LOXHD1: variants seen among roughly 807,000 people sequenced by gnomAD.
LOXHD1 encodes lipoxygenase homology PLAT domains 1.
LOXHD1 carries 205 observed loss-of-function variants against 248.2 expected under a neutral mutation model. The ratio of observed to expected loss-of-function variants is 0.83; its 90% CI spans 0.74 to 0.93. The LOEUF (loss-of-function observed/expected upper bound fraction) is 0.93, where lower values mean the gene tolerates loss of function less well. Ranked by LOEUF, LOXHD1 falls within the 40% of genes least tolerant of loss-of-function variation. LOXHD1 has a pLI of 0.00. For synonymous variants in LOXHD1, 1,113 were observed against 1,162.8 expected, an observed-to-expected ratio of 0.96 and a Z score of 0.87; for missense variants, 2,930 against 2,971.6, an observed-to-expected ratio of 0.99 and a Z score of 0.33.
At chr18:46,642,404 G>GA (rs1294918203) in intron 2 of LOXHD1, among the ~76,000 whole-genome samples, 1 of 152,186 alleles carries the variant, frequency 6.6e-6, no homozygotes, top group Non-Finnish European at 1.5e-5. Context: ...GTGGATGGAG[G>GA]AGGAAGGAAG....
chr18:46,582,539 A>G (rs1351056366), intron 12 of LOXHD1, among the ~76,000 whole-genome samples: 1 of 152,244 alleles, frequency 6.6e-6, no homozygotes, highest in African/African-American at 2.4e-5. Flanking sequence ...AACAAAAAAG[A>G]TATGACATAC....
chr18:46,532,770 C>A (rs938804833), intron 28 of LOXHD1, among the ~76,000 whole-genome samples: 1 of 152,192 alleles, frequency 6.6e-6, no homozygotes, highest in African/African-American at 2.4e-5. Flanking sequence ...TAAGTTGGGA[C>A]AGCTAAGTCC....
chr18:46,532,481 T>C (rs2036116369), intron 28 of LOXHD1, among the ~76,000 whole-genome samples: 1 of 152,132 alleles, frequency 6.6e-6, no homozygotes, highest in South Asian at 2.1e-4. Flanking sequence ...GAATACTATC[T>C]AGCATGAGAA....
chr18:46,573,642 T>G (rs566970061), intron 14 of LOXHD1, among the ~76,000 whole-genome samples: 2 of 151,542 alleles, frequency 1.3e-5, no homozygotes, highest in Non-Finnish European at 2.9e-5. Context: ...AGTTCAGGCA[T>G]CCCCAAACTG....
intron 37 of LOXHD1, among the ~76,000 whole-genome samples, chr18:46,491,262 T>C (rs891952370): frequency 3.9e-5 from 6 of 152,220 alleles, no homozygotes; most frequent in Admixed American, 3.3e-4. Context: ...CTAGGCATCA[T>C]TAGTCATTAA....
intron 40 of LOXHD1, among the ~76,000 whole-genome samples, chr18:46,480,308 G>T (rs1447526176): frequency 6.6e-6 from 1 of 151,968 alleles, no homozygotes; most frequent in Non-Finnish European, 1.5e-5. Flanking sequence ...GGTGTAGCCT[G>T]CCAAATTTCC....
At chr18:46,501,832 C>T (rs114398425) in intron 37 of LOXHD1, among the ~76,000 whole-genome samples, 13 of 152,158 alleles carry the variant, frequency 8.5e-5, no homozygotes, top group African/African-American at 2.9e-4. Context: ...GTTAGGCCTG[C>T]AAAGGACCTG....
At chr18:46,531,627 C>T (rs995300973) in intron 28 of LOXHD1, among the ~76,000 whole-genome samples, 1 of 152,242 alleles carries the variant, frequency 6.6e-6, no homozygotes, top group Non-Finnish European at 1.5e-5. Flanking sequence ...GATTCAGCTT[C>T]TGAATGCTGA....
At chr18:46,627,607 T>C (rs2038760643) in intron 4 of LOXHD1, among the ~76,000 whole-genome samples, 1 of 152,182 alleles carries the variant, frequency 6.6e-6, no homozygotes, top group Non-Finnish European at 1.5e-5. Flanking sequence ...CTCCAAACAT[T>C]CTGGCTGCTG....
chr18:46,604,032 C>A, intron 7 of LOXHD1, 74 bp downstream of exon 7: 2 of 1,535,648 alleles, frequency 1.3e-6, no homozygotes, highest in South Asian at 2.4e-5. Flanking sequence ...GGCCTCCAGC[C>A]CCACAGATGC....
At chr18:46,640,966 A>T (rs2038955474) in intron 3 of LOXHD1, among the ~76,000 whole-genome samples, 1 of 152,068 alleles carries the variant, frequency 6.6e-6, no homozygotes, top group South Asian at 2.1e-4. Flanking sequence ...GACAGATGAA[A>T]CCCATGATAC....
chr18:46,630,379 T>C (rs946902573), intron 4 of LOXHD1, among the ~76,000 whole-genome samples: 1 of 152,224 alleles, frequency 6.6e-6, no homozygotes, highest in Admixed American at 6.5e-5. Flanking sequence ...GGGTAGGCAC[T>C]GGGCTGTGGG....
At chr18:46,547,323 AT>A (rs2036892978) in intron 21 of LOXHD1, among the ~76,000 whole-genome samples, 2 of 152,178 alleles carry the variant, frequency 1.3e-5, no homozygotes, top group Admixed American at 1.3e-4. Flanking sequence ...CAGAGCCTCA[AT>A]CAGGGTCATA....
intron 1 of LOXHD1, among the ~76,000 whole-genome samples, chr18:46,650,554 G>A (rs1380929622): frequency 6.6e-6 from 1 of 152,160 alleles, no homozygotes; most frequent in African/African-American, 2.4e-5. Context: ...TCTTTTCAGA[G>A]CAGATCCCCA....
intron 4 of LOXHD1, among the ~76,000 whole-genome samples, chr18:46,633,862 G>C (rs2038859196): frequency 6.6e-6 from 1 of 152,206 alleles, no homozygotes; most frequent in Non-Finnish European, 1.5e-5. Context: ...ATAAGCACAT[G>C]AAGAGATTCT....
chr18:46,656,174 G>A (rs1007474946), intron 1 of LOXHD1, among the ~76,000 whole-genome samples: 2 of 152,176 alleles, frequency 1.3e-5, no homozygotes, highest in African/African-American at 4.8e-5. Flanking sequence ...GAGATGACAG[G>A]GAGTGGTGGA....
At chr18:46,569,687 G>T (rs1181862022) in intron 15 of LOXHD1, 49 bp from the exon 16 acceptor site, 4 of 1,463,264 alleles carry the variant, frequency 2.7e-6, no homozygotes, top group Non-Finnish European at 3.7e-6. Flanking sequence ...AGTGCAGGGG[G>T]TGACAGGAAG....
intron 23 of LOXHD1, chr18:46,544,794 G>T (rs1424477865): frequency 8.5e-6 from 4 of 471,226 alleles, no homozygotes; most frequent in Non-Finnish European, 1.8e-5. Context: ...CATGGTCAAG[G>T]GTTAGGTCCA....
chr18:46,619,113 G>T (rs748830321), intron 4 of LOXHD1, among the ~76,000 whole-genome samples: 38 of 152,146 alleles, frequency 2.5e-4, no homozygotes, highest in Non-Finnish European at 5.0e-4. Context: ...AAGGGAAGGG[G>T]AATCCTCCAG....
Sources: gnomAD v4.1 joint callset for allele counts (sites outside exome capture counted in the v4.1 genomes callset) on GRCh38, gnomAD v4.1.1 for gene constraint, MANE v1.5 for transcripts, NCBI Gene and HGNC (gene_info 2026-07-23, HGNC 2026-07-21) for gene names.